Variants in LTA4H observed in about 807,000 individuals in gnomAD.
LTA4H encodes the protein leukotriene A4 hydrolase.
Under a neutral mutation model 89.8 loss-of-function variants are expected in LTA4H, and 59 were observed. That is an observed-to-expected ratio of 0.66 (90% CI 0.53 to 0.82). LTA4H has a LOEUF of 0.82. Ranked by LOEUF, LTA4H falls within the 40% of genes least tolerant of loss-of-function variation. The probability of loss-of-function intolerance (pLI) is 0.00; values close to 1 mark genes in which losing one functional copy is unlikely to be tolerated. For synonymous variants in LTA4H, 227 were observed against 253.1 expected (o/e 0.90, Z 0.98); for missense variants, 617 against 727.0 (o/e 0.85, Z 1.74).
chr12:96,015,656 A>G lies in LTA4H; in HGVS notation c.986T>C (p.Ile329Thr). 1 of 1,614,042 alleles carries G rather than the reference A, an allele frequency of 6.2e-7. No individual in the cohort carries two copies. The highest frequency in any genetic ancestry group is 8.5e-7 in the Non-Finnish European group (1 of 1,179,896). ...CTTTTCACCAAACAATCGTCCGCAAATGTGGCGTTCCAAGTACACAGTATG... is the reference window on the plus strand; with the variant it reads ...CTTTTCACCAAACAATCGTCCGCAAGTGTGGCGTTCCAAGTACACAGTATG... ...EGHTVYLERHICGRLFGEKFR... is the reference protein window; with the variant it reads ...EGHTVYLERHTCGRLFGEKFR... Residue 329 changes from isoleucine (I) to threonine (T), a missense_variant, in exon 11 of 19, where the codon ATT (isoleucine) becomes ACT (threonine). Ile to Thr is a moderately conservative substitution (Grantham distance 89). Transcript: ENST00000228740.
intron 1 of LTA4H, among the ~76,000 whole-genome samples, chr12:96,034,404 A>G (rs1950612183): frequency 6.6e-6 from 1 of 152,220 alleles, no homozygotes. Context: ...GATACAGATA[A>G]AATCATTGAA....
rs1045066289 is a variant in LTA4H, at chr12:96,029,199, T to C, written c.160-14A>G. On this transcript the variant is annotated splice_polypyrimidine_tract_variant and intron_variant, in intron 1 of 18. Transcript: ENST00000228740. ...TGTATCCAAAACCTAAAATTAATAT[T>C]TTTAAATAGTAAGAAAATAGTTTCA... The C allele has an allele frequency of 7.1e-7, 1 of 1,402,398 alleles. No individual in the cohort carries two copies. Among genetic ancestry groups the C allele is most frequent in the Non-Finnish European group, 9.8e-7 (1 of 1,023,794 alleles). The allele number at this position is 1,402,398 out of a possible 1,614,324, so 86.9% of individuals were successfully genotyped here.
chr12:96,038,925 T>A (rs1032431059), upstream of LTA4H, among the ~76,000 whole-genome samples: 14 of 151,612 alleles, frequency 9.2e-5, no homozygotes, highest in Admixed American at 6.6e-4. Flanking sequence ...CCTCCATTAA[T>A]ATATTCATCA....
intron 1 of LTA4H, among the ~76,000 whole-genome samples, chr12:96,033,693 T>C (rs945442229): frequency 6.6e-6 from 1 of 152,240 alleles, no homozygotes; most frequent in Non-Finnish European, 1.5e-5. Context: ...TTTCTCCTAA[T>C]GCTATCCCTC....
chr12:96,040,765 G>T (rs1950681318), intron 1 of LTA4H, among the ~76,000 whole-genome samples: 1 of 152,164 alleles, frequency 6.6e-6, no homozygotes, highest in African/African-American at 2.4e-5. Context: ...TTTCTACTTT[G>T]TTTAAGACAG....
At chr12:96,021,764 TG>T (rs1950456196) in intron 5 of LTA4H, among the ~76,000 whole-genome samples, 1 of 152,066 alleles carries the variant, frequency 6.6e-6, no homozygotes, top group South Asian at 2.1e-4. Context: ...TGACCAGGAC[TG>T]TAACTGAGTG....
intron 18 of LTA4H, among the ~76,000 whole-genome samples, chr12:96,001,685 TAATA>T (rs1369772072): frequency 1.3e-5 from 2 of 152,130 alleles, no homozygotes; most frequent in Admixed American, 6.5e-5. Flanking sequence ...CACAGTGAAA[TAATA>T]AATACATAAT....
chr12:96,034,854 G>C (rs1220260002), intron 1 of LTA4H, among the ~76,000 whole-genome samples: 1 of 152,234 alleles, frequency 6.6e-6, no homozygotes, highest in Non-Finnish European at 1.5e-5. Flanking sequence ...CAGGACATGG[G>C]ATCTGAGACT....
intron 7 of LTA4H, 45 bp from the exon 8 acceptor site, chr12:96,018,948 A>G: frequency 6.7e-7 from 1 of 1,482,420 alleles, no homozygotes; most frequent in Non-Finnish European, 9.1e-7. Context: ...AATTATCACC[A>G]TTGTACATTT....
chr12:96,024,668 G>GT, intron 3 of LTA4H, 121 bp from the exon 4 acceptor site: 1 of 562,622 alleles, frequency 1.8e-6, no homozygotes, highest in Non-Finnish European at 3.1e-6. Context: ...CATTTCTTGG[G>GT]ATTTTTTTTT....
intron 14 of LTA4H, chr12:96,010,282 TAA>T (rs1297714945): frequency 2.0e-5 from 3 of 152,168 alleles, no homozygotes; most frequent in African/African-American, 7.2e-5. Flanking sequence ...TTCAGAAAAG[TAA>T]AGAGCAAAAC....
chr12:96,020,844 C>T (rs972158178), intron 6 of LTA4H: 1 of 386,436 alleles, frequency 2.6e-6, no homozygotes, highest in Non-Finnish European at 4.7e-6. Flanking sequence ...CATGAGAATC[C>T]AGATCTCTAA....
rs1308963679 is a variant in LTA4H at position 96,031,507 on chromosome 12, CT to C, written c.160-2323del. 3.3e-5 allele frequency among the ~76,000 whole-genome samples: 5 copies of C among 152,254 alleles called. No individual in the cohort carries two copies. The South Asian group carries it at 1.0e-3, about 32-fold the overall frequency. On this transcript the variant is annotated intron_variant, in intron 1 of 18. Coordinates refer to ENST00000228740, the MANE Select transcript of LTA4H (RefSeq NM_000895.3). ...GATTGTTGACAAGTTGGATTTAGTA[CT>C]TTTTAAGAAACGTGTTAAGCATCAA... is the stretch of plus-strand genomic sequence containing the variant.
chr12:96,006,454 A>G, intron 15 of LTA4H, 45 bp from the exon 16 acceptor site: 1 of 1,105,522 alleles, frequency 9.0e-7, no homozygotes, highest in South Asian at 1.4e-5. Context: ...GTACAATTTA[A>G]TAATACTTAT....
In LTA4H at chr12:96,029,666, T is replaced by A. The variant is rs568533948; in HGVS notation, c.160-481A>T. On this transcript the variant is annotated intron_variant, in intron 1 of 18. Coordinates refer to ENST00000228740, the MANE Select transcript of LTA4H (RefSeq NM_000895.3). ...TATCTAGAAAAAGCCCAACCTGGTA[T>A]GGTAACTCAGACCAAATGATTCTGC... Among the ~76,000 whole-genome samples, 22 of 152,274 alleles carry A rather than the reference T, an allele frequency of 1.4e-4. No individual in the cohort carries two copies. The South Asian group carries it at 4.6e-3, about 32-fold the overall frequency.
chr12:96,001,188 G>A (rs1283118914), intron 18 of LTA4H, 82 bp from the exon 19 acceptor site: 5 of 824,510 alleles, frequency 6.1e-6, no homozygotes, highest in Non-Finnish European at 1.1e-5. Flanking sequence ...AAGAAAGAAA[G>A]GAGGGAAGGG....
At chr12:96,014,125 A>G (rs901554780) in intron 12 of LTA4H, 26 of 252,504 alleles carry the variant, frequency 1.0e-4, no homozygotes, top group Admixed American at 9.4e-4. Context: ...AAAGGAATGC[A>G]TAACCCAAGT....
At chr12:96,019,907 T>G (rs1365125072) in intron 6 of LTA4H, among the ~76,000 whole-genome samples, 4 of 150,156 alleles carry the variant, frequency 2.7e-5, no homozygotes, top group Non-Finnish European at 5.9e-5. Context: ...GCGTTTTTTT[T>G]TTTTTTTTTT....
At chr12:96,037,781 C>A (rs1280269867), upstream of LTA4H, among the ~76,000 whole-genome samples, 1 of 151,448 alleles carries the variant, frequency 6.6e-6, no homozygotes, top group Non-Finnish European at 1.5e-5. Context: ...CAAGCTCCGC[C>A]TCCCGGGTTC....
Sources: allele counts gnomAD v4.1 joint callset (sites outside exome capture counted in the v4.1 genomes callset), GRCh38; gene constraint gnomAD v4.1.1; transcripts MANE v1.5; gene names NCBI Gene and HGNC (gene_info 2026-07-23, HGNC 2026-07-21).